IPP: variants seen among roughly 807,000 people sequenced by gnomAD.
IPP encodes the protein intracisternal A particle-promoted polypeptide.
A neutral mutation model predicts 64.1 loss-of-function variants in IPP; 41 were observed. That is an observed-to-expected ratio of 0.64 (90% CI 0.50 to 0.83). IPP has a LOEUF of 0.83. Among genes scored for constraint, IPP ranks in the 40% least tolerant of loss-of-function variants. The probability of loss-of-function intolerance (pLI) is 0.00; values close to 1 mark genes in which losing one functional copy is unlikely to be tolerated. For synonymous variants in IPP, 214 were observed against 235.2 expected (o/e 0.91, Z 0.83); for missense variants, 649 against 703.0 (o/e 0.92, Z 0.87).
intron 2 of IPP, 76 bp from the exon 3 acceptor site, chr1:45,741,408 C>T: frequency 1.0e-6 from 1 of 991,226 alleles, no homozygotes; most frequent in South Asian, 1.6e-5. Flanking sequence ...AAGTATTATA[C>T]TTGATTTCAC....
intron 2 of IPP, among the ~76,000 whole-genome samples, chr1:45,742,668 G>A (rs1012763365): frequency 3.3e-5 from 5 of 151,968 alleles, no homozygotes; most frequent in African/African-American, 1.2e-4. Flanking sequence ...CGAGTAGCTG[G>A]TACTACAGAC....
intron 5 of IPP, among the ~76,000 whole-genome samples, chr1:45,725,490 A>T (rs1645809862): frequency 7.2e-6 from 1 of 139,020 alleles, no homozygotes; most frequent in Non-Finnish European, 1.6e-5. Flanking sequence ...CCGCCCGGCC[A>T]GCCGCCCCAT....
intron 3 of IPP, among the ~76,000 whole-genome samples, chr1:45,739,270 C>G (rs146786946): frequency 3.5e-4 from 54 of 152,192 alleles, no homozygotes; most frequent in African/African-American, 1.3e-3. Flanking sequence ...AAAACCAGGT[C>G]TAAAGTAGGC....
intron 4 of IPP, among the ~76,000 whole-genome samples, chr1:45,728,170 GTGTT>G (rs1411920908): frequency 4.7e-5 from 7 of 148,120 alleles, no homozygotes; most frequent in African/African-American, 1.5e-4. Flanking sequence ...GTGTGTGTGT[GTGTT>G]TGAGGCAGGG....
At chr1:45,735,812 A>T (rs893290269) in intron 3 of IPP, among the ~76,000 whole-genome samples, 6 of 50,840 alleles carry the variant, frequency 1.2e-4, no homozygotes, top group South Asian at 5.7e-4. Flanking sequence ...GCTAATTTTT[A>T]AAAAAAATTT....
At chr1:45,747,563 C>T (rs2148587097) in intron 1 of IPP, among the ~76,000 whole-genome samples, 1 of 152,216 alleles carries the variant, frequency 6.6e-6, no homozygotes, top group Admixed American at 6.5e-5. Context: ...CACAGTGGCT[C>T]ACGCCTGTAA....
chr1:45,725,657 G>A (rs1477116253), intron 5 of IPP, among the ~76,000 whole-genome samples: 1 of 138,914 alleles, frequency 7.2e-6, no homozygotes, highest in African/African-American at 2.6e-5. Flanking sequence ...GGCGGGAAGG[G>A]TGGGGAAAAA....
At chr1:45,701,707 ATC>A in intron 8 of IPP, among the ~76,000 whole-genome samples, 1 of 152,260 alleles carries the variant, frequency 6.6e-6, no homozygotes, top group Non-Finnish European at 1.5e-5. Context: ...AGAACAGATT[ATC>A]AATCTTTAAA....
In IPP at chr1:45,732,954, C is replaced by T. The variant is rs571677733; in HGVS notation, c.725-3185G>A. Among the ~76,000 whole-genome samples the T allele has an allele frequency of 3.3e-5, 5 of 151,930 alleles. No homozygotes were observed. The South Asian group carries it at 6.2e-4, about 19-fold the overall frequency. On this transcript the variant is annotated intron_variant, in intron 3 of 8. Coordinates refer to ENST00000396478, the MANE Select transcript of IPP (RefSeq NM_005897.3). ...TGCTGGGATTACAGGTGTGAGCCAC[C>T]GTGCCCGGCCTTGAAACATTTAAAG...
intron 4 of IPP, among the ~76,000 whole-genome samples, chr1:45,729,005 G>A (rs1645870373): frequency 6.6e-6 from 1 of 150,922 alleles, no homozygotes; most frequent in South Asian, 2.1e-4. Context: ...AATTAGCTGG[G>A]CATGGTGGCG....
Position 45,698,942 on chromosome 1 carries a change from G to A in IPP, c.*1024C>T, listed in dbSNP as rs941985988. On this transcript the variant is annotated 3_prime_UTR_variant, in exon 9 of 9. Coordinates refer to ENST00000396478, the MANE Select transcript of IPP (RefSeq NM_005897.3). The stretch of plus-strand genomic sequence containing the variant: ...TCATCACGTTGCCCAGGCTAGTCTC[G>A]AACTCCTGAGTTCAAGCCATCTTCC... 7.3e-5 allele frequency: 45 copies of A among 616,662 alleles called. No homozygotes were observed. The highest frequency in any genetic ancestry group is 7.0e-4 in the East Asian group (5 of 7,122). The allele number at this position is 616,662 out of a possible 1,614,324, so 38.2% of individuals were successfully genotyped here. A position where few individuals can be genotyped will look rare whatever the true frequency, so the allele number is the denominator to read the frequency against.
At position 45,699,984 on chromosome 1, in the gene IPP, C is replaced by T; in HGVS notation, c.1737G>A (p.Gly579=). The part of the protein sequence containing the change: ...IGNMITSRCE[G]GVAVL Reference sequence around the variant, plus strand: ...TTATATTTCATAGCACAGCAACGCCCCCTTCACAACGACTGGTGATCATGT... The same window carrying T: ...TTATATTTCATAGCACAGCAACGCCTCCTTCACAACGACTGGTGATCATGT... The change falls in exon 9 of 9, where the codon GGG becomes GGA. Residue 579 remains glycine, a synonymous_variant. Coordinates refer to ENST00000396478, the MANE Select transcript of IPP (RefSeq NM_005897.3). The T allele has an allele frequency of 6.2e-7, 1 of 1,614,170 alleles. No homozygotes were observed. Among genetic ancestry groups the T allele is most frequent in the Non-Finnish European group, 8.5e-7 (1 of 1,180,028 alleles).
chr1:45,694,522 A>C, downstream of IPP: 1 of 1,482,000 alleles, frequency 6.7e-7, no homozygotes, highest in South Asian at 1.2e-5. Flanking sequence ...GTATCTGAAA[A>C]GAAAAGGTAG....
At chr1:45,703,541 A>G (rs1357585391) in intron 8 of IPP, among the ~76,000 whole-genome samples, 3 of 151,636 alleles carry the variant, frequency 2.0e-5, no homozygotes, top group Non-Finnish European at 4.4e-5. Flanking sequence ...GGTTATGTTC[A>G]AGTGAATTTG....
chr1:45,727,900 T>C, intron 4 of IPP, 102 bp from the exon 5 acceptor site: 3 of 815,712 alleles, frequency 3.7e-6, no homozygotes, highest in Non-Finnish European at 5.3e-6. Context: ...TAGAAATTAC[T>C]TTCTCTATAT....
chr1:45,741,497 C>A (rs182727960), intron 2 of IPP, among the ~76,000 whole-genome samples, 165 bp from the exon 3 acceptor site: 1 of 152,056 alleles, frequency 6.6e-6, no homozygotes, highest in Non-Finnish European at 1.5e-5. Context: ...AAAATTTAAA[C>A]GATAACGATA....
At chr1:45,719,367 TATAAAGTTTAGTAATGCCAACAGACTAGC>T in intron 5 of IPP, 27 bp from the exon 6 acceptor site, 2 of 1,497,620 alleles carry the variant, frequency 1.3e-6, no homozygotes, top group Non-Finnish European at 1.8e-6. Flanking sequence ...AGACAAATAT[TATAAAGTTTAGTAATGCCAACAGACTAGC>T]ACCATAACAC....
Position 45,699,946 on chromosome 1 carries a change from GCT to G in IPP, c.*18_*19del. The G allele has an allele frequency of 1.9e-6, 3 of 1,610,314 alleles. No homozygotes were observed. The highest frequency in any genetic ancestry group is 1.1e-5 in the South Asian group (1 of 90,934). On this transcript the variant is annotated 3_prime_UTR_variant, in exon 9 of 9. Coordinates refer to ENST00000396478, the MANE Select transcript of IPP (RefSeq NM_005897.3). ...CCTGCATTTTCAAAATGTTCCTTGT[GCT>G]CTGTTATGCTTTATATTTCATAGCA...
At chr1:45,735,855 T>C (rs1645973968) in intron 3 of IPP, among the ~76,000 whole-genome samples, 1 of 150,072 alleles carries the variant, frequency 6.7e-6, no homozygotes, top group Admixed American at 6.6e-5. Flanking sequence ...CTCACGCCTG[T>C]AATCCCAGCA....
Sources: gnomAD v4.1 joint callset for allele counts (sites outside exome capture counted in the v4.1 genomes callset) on GRCh38, gnomAD v4.1.1 for gene constraint, MANE v1.5 for transcripts, NCBI Gene and HGNC (gene_info 2026-07-23, HGNC 2026-07-21) for gene names.